Variants in RGS7 observed in about 807,000 individuals in gnomAD.
RGS7 encodes regulator of G protein signaling 7, also known as regulator of G-protein signaling 7.
In RGS7, 27 loss-of-function variants were observed where a neutral mutation model predicts 81.1. The ratio of observed to expected loss-of-function variants is 0.33; its 90% CI spans 0.25 to 0.46. RGS7 has a LOEUF of 0.46. Among genes scored for constraint, RGS7 ranks in the 20% least tolerant of loss-of-function variants. RGS7 has a pLI of 1.00. For synonymous variants in RGS7, 208 were observed against 207.7 expected (o/e 1.00, Z -0.01); for missense variants, 396 against 607.4 (o/e 0.65, Z 3.66).
intron 18 of RGS7, among the ~76,000 whole-genome samples, chr1:240,786,742 A>G (rs1406102683): frequency 5.3e-5 from 8 of 152,214 alleles, no homozygotes; most frequent in Admixed American, 3.9e-4. Context: ...TGTGTCAAAT[A>G]TGGGTATCAT....
chr1:241,229,623 T>G (rs1327578916), intron 2 of RGS7, among the ~76,000 whole-genome samples: 1 of 152,178 alleles, frequency 6.6e-6, no homozygotes, highest in Non-Finnish European at 1.5e-5. Flanking sequence ...AATAAAATAT[T>G]GAAAGAGCTT....
chr1:241,235,909 T>TGAGAGAGAAAGAGAGAGAGAGAGA (rs11274117), intron 2 of RGS7, among the ~76,000 whole-genome samples: 11,421 of 137,668 alleles, frequency 0.083, 997 homozygotes, highest in African/African-American at 0.16. Context: ...AGATGCACTT[T>TGAGAGAGAAAGAGAGAGAGAGAGA]GAGAGAGAGA....
chr1:240,784,388 C>T (rs1023124731), intron 18 of RGS7, among the ~76,000 whole-genome samples: 20 of 151,922 alleles, frequency 1.3e-4, no homozygotes, highest in Non-Finnish European at 1.5e-5. Context: ...CGCCTGTAAT[C>T]CCAGCACTCT....
intron 2 of RGS7, among the ~76,000 whole-genome samples, chr1:241,295,257 A>T (rs542530500): frequency 2.0e-5 from 3 of 151,196 alleles, no homozygotes; most frequent in South Asian, 2.1e-4. Flanking sequence ...GACCAGCCTG[A>T]CGAACATGAT....
At position 240,801,423 on chromosome 1, in the gene RGS7, T is replaced by A. The variant is rs200575366; in HGVS notation, c.1413+32A>T. On this transcript the variant is annotated intron_variant, in intron 17 of 18. Coordinates refer to ENST00000440928, the MANE Select transcript of RGS7 (RefSeq NM_001364886.1). ...ATTGGAAAAATTTCATTGGACTTAATGATTCATAATTCCTCAAAAAATTAA... is the reference window on the plus strand; with the variant it reads ...ATTGGAAAAATTTCATTGGACTTAAAGATTCATAATTCCTCAAAAAATTAA... 1.1e-4 allele frequency: 151 copies of A among 1,437,854 alleles called. No individual in the cohort carries two copies. The Middle Eastern group carries it at 2.0e-3, about 19-fold the overall frequency. 89.1% of individuals were successfully genotyped at this position (1,437,854 alleles called of 1,614,324 possible).
At position 241,160,853 on chromosome 1, in the gene RGS7, C is replaced by T. The variant is rs552861361; in HGVS notation, c.79-62091G>A. Among the ~76,000 whole-genome samples, 7 of 152,202 alleles carry T rather than the reference C, an allele frequency of 4.6e-5. No homozygotes were observed. The South Asian group carries it at 6.2e-4, about 14-fold the overall frequency. On this transcript the variant is annotated intron_variant, in intron 2 of 18. Coordinates refer to ENST00000440928, the MANE Select transcript of RGS7 (RefSeq NM_001364886.1). ...TTTTCCTGACCTTATCAAACCATCC[C>T]GGCCTTGTCATCTACAGCAGGACTT...
chr1:241,106,730 A>C (rs1243041306), intron 2 of RGS7, among the ~76,000 whole-genome samples: 6 of 128,466 alleles, frequency 4.7e-5, no homozygotes, highest in African/African-American at 1.0e-4. Flanking sequence ...AAAAAAAAAA[A>C]AAAAAAAAAC....
intron 9 of RGS7, among the ~76,000 whole-genome samples, chr1:240,848,818 CT>C (rs1425854658): frequency 6.6e-6 from 1 of 152,084 alleles, no homozygotes; most frequent in Non-Finnish European, 1.5e-5. Flanking sequence ...AAAAAGGGTT[CT>C]TTTCTGGTGC....
intron 4 of RGS7, among the ~76,000 whole-genome samples, chr1:240,975,378 G>A (rs1441993118): frequency 6.6e-6 from 1 of 151,786 alleles, no homozygotes; most frequent in African/African-American, 2.4e-5. Context: ...CTCCAGCCTG[G>A]GCAACAGAGC....
chr1:241,115,442 G>A (rs1372695107), intron 2 of RGS7, among the ~76,000 whole-genome samples: 1 of 152,126 alleles, frequency 6.6e-6, no homozygotes, highest in East Asian at 1.9e-4. Context: ...CTTTCAGGAG[G>A]CATTTATCCT....
At chr1:240,925,182 T>C (rs1027450300) in intron 6 of RGS7, among the ~76,000 whole-genome samples, 3 of 152,130 alleles carry the variant, frequency 2.0e-5, no homozygotes, top group African/African-American at 7.2e-5. Context: ...CATGGGTATA[T>C]TGCATGATAC....
chr1:241,081,104 T>C (rs2063104180), intron 3 of RGS7, among the ~76,000 whole-genome samples: 1 of 152,228 alleles, frequency 6.6e-6, no homozygotes, highest in African/African-American at 2.4e-5. Flanking sequence ...GTCCCTTTAA[T>C]GGGCCTTAAC....
intron 2 of RGS7, among the ~76,000 whole-genome samples, chr1:241,247,861 T>C (rs9645344): frequency 0.13 from 19,745 of 152,240 alleles, 1,460 homozygotes; most frequent in East Asian, 0.21. Flanking sequence ...TAGGCTTTCC[T>C]GATAAATGCT....
rs192750973 is a variant in RGS7 at position 241,348,805 on chromosome 1, C to T, written c.78+6894G>A. On this transcript the variant is annotated intron_variant, in intron 2 of 18. Transcript: ENST00000440928. ...CTAGATAGGGCTAAACAATGTAAGA[C>T]GGGACATTTTAAGTATCATAAAAAT... Among the ~76,000 whole-genome samples the T allele has an allele frequency of 6.2e-4, 94 of 152,182 alleles. No homozygotes were observed. In the East Asian group the frequency reaches 0.013, roughly 20 times the overall value.
chr1:241,178,976 C>T (rs1240391800), intron 2 of RGS7, among the ~76,000 whole-genome samples: 1 of 152,226 alleles, frequency 6.6e-6, no homozygotes, highest in Non-Finnish European at 1.5e-5. Flanking sequence ...CCTAAAGACA[C>T]ATGCTAATTA....
intron 2 of RGS7, among the ~76,000 whole-genome samples, chr1:241,221,047 G>GGA (rs1418501510): frequency 0.013 from 1,323 of 99,010 alleles, 66 homozygotes; most frequent in East Asian, 0.099. Flanking sequence ...GGAAAAGAAA[G>GGA]AAAGAAAGAA....
At chr1:241,125,235 C>T (rs1311046201) in intron 2 of RGS7, among the ~76,000 whole-genome samples, 1 of 152,154 alleles carries the variant, frequency 6.6e-6, no homozygotes, top group Admixed American at 6.5e-5. Flanking sequence ...AGAGTCCAAA[C>T]TCAGTTCTTC....
chr1:240,961,407 C>A (rs1048773052), intron 4 of RGS7, among the ~76,000 whole-genome samples: 1 of 152,084 alleles, frequency 6.6e-6, no homozygotes, highest in African/African-American at 2.4e-5. Flanking sequence ...AATGTATCCA[C>A]CTTATATAAA....
At chr1:241,170,372 C>A (rs111619551) in intron 2 of RGS7, among the ~76,000 whole-genome samples, 1 of 152,152 alleles carries the variant, frequency 6.6e-6, no homozygotes, top group Non-Finnish European at 1.5e-5. Context: ...CAAGTAAAAT[C>A]TGCATGAATC....
Sources: gnomAD v4.1 joint callset for allele counts (sites outside exome capture counted in the v4.1 genomes callset) on GRCh38, gnomAD v4.1.1 for gene constraint, MANE v1.5 for transcripts, NCBI Gene and HGNC (gene_info 2026-07-23, HGNC 2026-07-21) for gene names.